KLHL13: variants seen among roughly 807,000 people sequenced by gnomAD.
KLHL13 encodes the protein kelch like family member 13, also known as kelch-like protein 13.
Under a neutral mutation model 37.1 loss-of-function variants are expected in KLHL13, and 10 were observed. The ratio of observed to expected loss-of-function variants is 0.27; its 90% CI spans 0.17 to 0.46. The LOEUF is 0.46. Among genes scored for constraint, KLHL13 ranks in the 20% least tolerant of loss-of-function variants. The pLI is 1.00. For synonymous variants in KLHL13, 163 were observed against 181.2 expected (o/e 0.90, Z 0.81); for missense variants, 360 against 509.3 (o/e 0.71, Z 2.82).
chrX:118,000,984 C>T (rs990268698), intron 1 of KLHL13, among the ~76,000 whole-genome samples: 1 of 111,693 alleles, frequency 9.0e-6, no homozygotes, highest in African/African-American at 3.3e-5. Flanking sequence ...TGATTAACAT[C>T]GTAAATTTAA....
intron 1 of KLHL13, chrX:117,972,637 A>G (rs1200329897): frequency 2.0e-5 from 13 of 665,627 alleles, no homozygotes; most frequent in Non-Finnish European, 2.8e-5. Flanking sequence ...AGGTTTTTGG[A>G]TGTTGCTGTT....
intron 1 of KLHL13, among the ~76,000 whole-genome samples, chrX:118,009,000 A>T (rs990387340): frequency 9.8e-5 from 11 of 112,171 alleles, no homozygotes; most frequent in Non-Finnish European, 1.1e-4. Flanking sequence ...TACTATGAGT[A>T]CTGGGACTTC....
chrX:117,913,223 A>T (rs1320877360), intron 4 of KLHL13, among the ~76,000 whole-genome samples: 2 of 18 alleles, frequency 0.11, no homozygotes, highest in Non-Finnish European at 0.18. Context: ...AAAGTGACTC[A>T]GCTAGAAATC....
chrX:118,039,115 T>C (rs1443797329), intron 1 of KLHL13, among the ~76,000 whole-genome samples: 1 of 112,001 alleles, frequency 8.9e-6, no homozygotes, highest in African/African-American at 3.2e-5. Context: ...ATCTGCTGAT[T>C]AAAGGGCCCT....
intron 1 of KLHL13, among the ~76,000 whole-genome samples, chrX:118,036,832 A>G (rs1457685324): frequency 1.8e-5 from 2 of 109,817 alleles, no homozygotes; most frequent in Admixed American, 9.8e-5. Context: ...GAAAATTTTC[A>G]CAACCTACTC....
intron 1 of KLHL13, among the ~76,000 whole-genome samples, chrX:118,019,974 G>A (rs1336895278): frequency 1.9e-5 from 2 of 108,007 alleles, no homozygotes; most frequent in African/African-American, 3.4e-5. Context: ...TTGGTGATGT[G>A]GGCTCTTTTT....
chrX:117,907,785 T>C (rs1018746531), intron 5 of KLHL13, among the ~76,000 whole-genome samples: 8 of 110,269 alleles, frequency 7.3e-5, no homozygotes, highest in African/African-American at 2.0e-4. Flanking sequence ...AAAAATATCA[T>C]TGTAACAACA....
intron 1 of KLHL13, among the ~76,000 whole-genome samples, chrX:118,017,021 G>A (rs903165673): frequency 1.8e-5 from 2 of 110,691 alleles, no homozygotes; most frequent in African/African-American, 6.6e-5. Context: ...TGCTACAATA[G>A]ACTGATCACT....
chrX:118,110,377 CTTTTTTT>C (rs1054663520), intron 1 of KLHL13, among the ~76,000 whole-genome samples: 3 of 82,560 alleles, frequency 3.6e-5, no homozygotes, highest in South Asian at 5.2e-4. Context: ...ATTTCTTTTT[CTTTTTTT>C]TTTTTTTTTT....
At chrX:118,069,730 C>A (rs751132682) in intron 1 of KLHL13, among the ~76,000 whole-genome samples, 1 of 111,051 alleles carries the variant, frequency 9.0e-6, no homozygotes, top group East Asian at 2.8e-4. Flanking sequence ...AAAAAGTGTA[C>A]AAAGTAAAAA....
At chrX:117,994,064 C>T (rs949218769) in intron 1 of KLHL13, among the ~76,000 whole-genome samples, 2 of 111,701 alleles carry the variant, frequency 1.8e-5, no homozygotes, top group African/African-American at 6.5e-5. Flanking sequence ...ATTTTTCTCC[C>T]TGTTTCTAAT....
At chrX:118,063,926 ATAGT>A in intron 1 of KLHL13, among the ~76,000 whole-genome samples, 2 of 112,102 alleles carry the variant, frequency 1.8e-5, no homozygotes, top group Middle Eastern at 9.2e-3. Flanking sequence ...AAAAATTATT[ATAGT>A]TATTTTAGCA....
intron 1 of KLHL13, among the ~76,000 whole-genome samples, chrX:117,988,503 A>C (rs16994959): frequency 0.037 from 4,180 of 111,857 alleles, 187 homozygotes; most frequent in African/African-American, 0.13. Context: ...GTTAGCCAGG[A>C]GTATTTATAT....
At chrX:118,091,018 T>C (rs1233606512) in intron 1 of KLHL13, among the ~76,000 whole-genome samples, 1 of 105,892 alleles carries the variant, frequency 9.4e-6, no homozygotes, top group African/African-American at 3.5e-5. Context: ...CTCAGCAAAC[T>C]ATCGCAAGGA....
chrX:117,917,647 A>G (rs1192928190), intron 4 of KLHL13, among the ~76,000 whole-genome samples: 1 of 112,036 alleles, frequency 8.9e-6, no homozygotes, highest in African/African-American at 3.2e-5. Flanking sequence ...CAGTAATATT[A>G]CTATAACTTT....
chrX:118,092,977 T>C (rs748435009), intron 1 of KLHL13, among the ~76,000 whole-genome samples: 1 of 111,596 alleles, frequency 9.0e-6, no homozygotes, highest in African/African-American at 3.2e-5. Flanking sequence ...TACTTCCTAA[T>C]AGTGAAAAAA....
intron 1 of KLHL13, among the ~76,000 whole-genome samples, chrX:118,017,673 T>A (rs2497844): frequency 0.029 from 3,184 of 111,538 alleles, 128 homozygotes; most frequent in African/African-American, 0.097. Flanking sequence ...TCAACAGCAC[T>A]TAAGAAACAC....
At chrX:118,115,249 G>A (rs768492191) in intron 1 of KLHL13, among the ~76,000 whole-genome samples, 29 of 112,589 alleles carry the variant, frequency 2.6e-4, no homozygotes, top group Admixed American at 2.3e-3. Flanking sequence ...ATGTCAGCAT[G>A]TGCTTGTTCA....
chrX:117,923,629 T>C (rs901372878), intron 2 of KLHL13, among the ~76,000 whole-genome samples: 1 of 112,122 alleles, frequency 8.9e-6, no homozygotes, highest in African/African-American at 3.2e-5. Flanking sequence ...AATGTCAGTA[T>C]GTTCCATTCC....
Sources: gnomAD v4.1 joint callset for allele counts (sites outside exome capture counted in the v4.1 genomes callset) on GRCh38, gnomAD v4.1.1 for gene constraint, MANE v1.5 for transcripts, NCBI Gene and HGNC (gene_info 2026-07-23, HGNC 2026-07-21) for gene names.